DGAT2L6: variants seen among roughly 807,000 people sequenced by gnomAD.
The protein encoded by DGAT2L6 is diacylglycerol O-acyltransferase 2 like 6.
A neutral mutation model predicts 25.5 loss-of-function variants in DGAT2L6; 22 were observed. The ratio of observed to expected loss-of-function variants is 0.86; its 90% CI spans 0.62 to 1.23. DGAT2L6 has a LOEUF of 1.23. Ranked by LOEUF, DGAT2L6 falls within the 50% of genes most tolerant of loss-of-function variation. DGAT2L6 has a pLI of 0.00. For missense variants in DGAT2L6, 287 were observed against 253.2 expected, an observed-to-expected ratio of 1.13 and a Z score of -0.91; for synonymous variants, 100 against 94.7, an observed-to-expected ratio of 1.06 and a Z score of -0.32.
intron 1 of DGAT2L6, among the ~76,000 whole-genome samples, chrX:70,198,322 A>C (rs1175841495): frequency 2.7e-5 from 3 of 112,289 alleles, no homozygotes; most frequent in Non-Finnish European, 3.8e-5. Flanking sequence ...TTTGAATGGA[A>C]CAAAATGAAC....
chrX:70,182,709 A>G (rs1246085374), intron 1 of DGAT2L6, among the ~76,000 whole-genome samples: 7 of 110,333 alleles, frequency 6.3e-5, no homozygotes, highest in Non-Finnish European at 1.3e-4. Context: ...GCTGGAGTGC[A>G]GTGGCGCGAT....
chrX:70,204,224 T>C, intron 5 of DGAT2L6, 81 bp from the exon 6 acceptor site: 1 of 824,383 alleles, frequency 1.2e-6, no homozygotes, highest in Non-Finnish European at 1.7e-6. Flanking sequence ...AATGGGGAGG[T>C]TGGAGAGGTT....
Position 70,201,230 on chromosome X carries a change from C to T in DGAT2L6, c.473-660C>T, listed in dbSNP as rs184788686. Among the ~76,000 whole-genome samples, 330 of 112,464 alleles carry T rather than the reference C, an allele frequency of 2.9e-3. 2 individuals are homozygous for T. The highest frequency in any genetic ancestry group is 0.01 in the African/African-American group (314 of 30,980). On this transcript the variant is annotated intron_variant, in intron 4 of 6. Transcript: ENST00000333026. ...TTAGCATGGCCCTGGAGCAGGAATACTTCTCAATGGCTAGAGTCTGGAGGC... is the reference window on the plus strand; with the variant it reads ...TTAGCATGGCCCTGGAGCAGGAATATTTCTCAATGGCTAGAGTCTGGAGGC...
chrX:70,192,781 T>C (rs142064737), intron 1 of DGAT2L6, among the ~76,000 whole-genome samples: 3,959 of 109,157 alleles, frequency 0.036, 64 homozygotes, highest in Non-Finnish European at 0.056. Context: ...TAAACAAAAG[T>C]AACAAACCCT....
At chrX:70,186,265 A>G (rs1222648319) in intron 1 of DGAT2L6, among the ~76,000 whole-genome samples, 2 of 112,361 alleles carry the variant, frequency 1.8e-5, no homozygotes, top group Non-Finnish European at 3.8e-5. Flanking sequence ...AGAGACAGAC[A>G]TATGAGGTAC....
intron 5 of DGAT2L6, among the ~76,000 whole-genome samples, chrX:70,202,944 ACT>A (rs1277824510): frequency 9.2e-6 from 1 of 109,219 alleles, no homozygotes; most frequent in African/African-American, 3.3e-5. Flanking sequence ...TTCTCTTCCC[ACT>A]CTCTCACTCC....
Position 70,201,954 on chromosome X carries a change from C to T in DGAT2L6, c.537C>T (p.Ala179=), listed in dbSNP as rs746922269. The T allele has an allele frequency of 4.1e-5, 50 of 1,207,624 alleles. No homozygotes were observed. The highest frequency in any genetic ancestry group is 8.8e-5 in the Admixed American group (4 of 45,517). Residue 179 remains alanine (A), a synonymous_variant, in exon 5 of 7, where the codon GCC becomes GCT. Transcript: ENST00000333026. ...TGACCCAGAAAGGCTCAGGCAATGC[C>T]GTGGTTATTGTGGTGGGTGGAGCTG... ...YLLTQKGSGN[A]VVIVVGGAAE...
At chrX:70,191,380 A>G (rs1196225543) in intron 1 of DGAT2L6, among the ~76,000 whole-genome samples, 1 of 112,113 alleles carries the variant, frequency 8.9e-6, no homozygotes, top group Non-Finnish European at 1.9e-5. Context: ...CTGAAAACTA[A>G]AAGAAAGAGT....
chrX:70,202,095 C>T (rs759342762), intron 5 of DGAT2L6, 31 bp downstream of exon 5: 24 of 1,131,631 alleles, frequency 2.1e-5, no homozygotes, highest in Non-Finnish European at 2.6e-5. Context: ...GCTCTGTTGT[C>T]AGGGTGCCAT....
At chrX:70,179,147 G>T (rs2085335494) in intron 1 of DGAT2L6, among the ~76,000 whole-genome samples, 1 of 112,031 alleles carries the variant, frequency 8.9e-6, no homozygotes, top group Non-Finnish European at 1.9e-5. Flanking sequence ...TGCCAGAGGG[G>T]TCCACAGCCT....
At chrX:70,181,564 T>C (rs2085343293) in intron 1 of DGAT2L6, among the ~76,000 whole-genome samples, 1 of 111,689 alleles carries the variant, frequency 9.0e-6, no homozygotes, top group African/African-American at 3.3e-5. Context: ...CAGTTATAGA[T>C]TAAATACTAA....
Position 70,201,970 on chromosome X carries a change from G to A in DGAT2L6, c.553G>A (p.Gly185Ser). ...AGGCAATGCCGTGGTTATTGTGGTG[G>A]GTGGAGCTGCTGAAGCTCTCTTGTG... ...GSGNAVVIVV[G>S]GAAEALLCRP... is the part of the protein sequence containing the mutation. Residue 185 changes from glycine (G) to serine (S), a missense_variant, in exon 5 of 7, where the codon GGT becomes AGT. By Grantham distance (56) the Gly-to-Ser change is moderately conservative (BLOSUM62 0). Transcript: ENST00000333026. 8.3e-7 allele frequency: 1 copy of A among 1,210,142 alleles called. No individual in the cohort carries two copies. Among genetic ancestry groups the A allele is most frequent in the Non-Finnish European group, 1.1e-6 (1 of 894,818 alleles).
Position 70,199,357 on chromosome X carries a change from T to C in DGAT2L6, c.172T>C (p.Tyr58His). The C allele has an allele frequency of 8.4e-7, 1 of 1,189,073 alleles. No individual in the cohort carries two copies. The highest frequency in any genetic ancestry group is 1.1e-6 in the Non-Finnish European group (1 of 882,196). ...LAVLSLAWLT[Y>H]DWNTHSQGGR... ...TGTGCTCTCCTTAGCCTGGCTCACCTATGATTGGAACACCCACAGTCAAGG... is the reference window on the plus strand; with the variant it reads ...TGTGCTCTCCTTAGCCTGGCTCACCCATGATTGGAACACCCACAGTCAAGG... Residue 58 changes from tyrosine (Y) to histidine (H), a missense_variant, in exon 2 of 7, where the codon TAT (tyrosine) becomes CAT (histidine). Physicochemically the swap from Tyr to His is moderately conservative, Grantham distance 83. Transcript: ENST00000333026.
At position 70,200,265 on chromosome X, in the gene DGAT2L6, C is replaced by T. The variant is rs758017058; in HGVS notation, c.278C>T (p.Thr93Ile). ...ATTTCCCTCTAACAGCTGGTGAAGACTCATGATCTTTCTCCCAAACACAAC... is the reference window on the plus strand; with the variant it reads ...ATTTCCCTCTAACAGCTGGTGAAGATTCATGATCTTTCTCCCAAACACAAC... ...RNYFPVKLVKTHDLSPKHNYI... is the reference protein window; with the variant it reads ...RNYFPVKLVKIHDLSPKHNYI... The change falls in exon 4 of 7, where the codon ACT (threonine) becomes ATT (isoleucine). Residue 93 changes from threonine to isoleucine, a missense_variant. Coordinates refer to ENST00000333026, the MANE Select transcript of DGAT2L6 (RefSeq NM_198512.3). 2.1e-5 allele frequency: 25 copies of T among 1,210,964 alleles called. No homozygotes were observed. The highest frequency in any genetic ancestry group is 4.6e-4 in the Middle Eastern group (2 of 4,352).
chrX:70,177,736 G>A (rs374223515), intron 1 of DGAT2L6, 69 bp downstream of exon 1: 3 of 972,542 alleles, frequency 3.1e-6, no homozygotes, highest in Middle Eastern at 2.9e-4. Flanking sequence ...CTCCAGATGA[G>A]GAGGGTTCCA....
intron 1 of DGAT2L6, among the ~76,000 whole-genome samples, chrX:70,194,533 A>G (rs1329676723): frequency 8.9e-6 from 1 of 112,202 alleles, no homozygotes; most frequent in Non-Finnish European, 1.9e-5. Context: ...TGGTACTGAC[A>G]TAAAAACAGA....
At chrX:70,178,487 G>T (rs747564946) in intron 1 of DGAT2L6, among the ~76,000 whole-genome samples, 3 of 111,156 alleles carry the variant, frequency 2.7e-5, no homozygotes, top group Non-Finnish European at 5.7e-5. Flanking sequence ...GCCCAGGCTG[G>T]AGTGCAAACG....
At chrX:70,203,924 AAAGCTAGCCAAGGAGGG>A (rs1255888698) in intron 5 of DGAT2L6, among the ~76,000 whole-genome samples, 1 of 110,207 alleles carries the variant, frequency 9.1e-6, no homozygotes, top group Non-Finnish European at 1.9e-5. Flanking sequence ...GGGGAAAGGG[AAAGCTAGCCAAGGAGGG>A]AAGGCTAGAG....
At chrX:70,187,225 G>A (rs754874698) in intron 1 of DGAT2L6, among the ~76,000 whole-genome samples, 5 of 110,910 alleles carry the variant, frequency 4.5e-5, no homozygotes, top group Non-Finnish European at 9.4e-5. Flanking sequence ...AGAAGTCAAA[G>A]ATGGCCTAAA....
Sources: allele counts gnomAD v4.1 joint callset (sites outside exome capture counted in the v4.1 genomes callset), GRCh38; gene constraint gnomAD v4.1.1; transcripts MANE v1.5; gene names NCBI Gene and HGNC (gene_info 2026-07-23, HGNC 2026-07-21).